Variants in DMXL1 observed in about 807,000 individuals in gnomAD.
DMXL1 encodes dmX-like protein 1.
DMXL1 carries 99 observed loss-of-function variants against 319.2 expected under a neutral mutation model. That is an observed-to-expected ratio of 0.31 (90% CI 0.26 to 0.37). The LOEUF (loss-of-function observed/expected upper bound fraction) is 0.37. Ranked by LOEUF, DMXL1 falls within the 10% of genes least tolerant of loss-of-function variation. The probability of loss-of-function intolerance (pLI) is 1.00; values close to 1 mark genes in which losing one functional copy is unlikely to be tolerated. For missense variants in DMXL1, 3,745 were observed against 3,595.6 expected (o/e 1.04, Z -1.06); for synonymous variants, 1,385 against 1,235.2 (o/e 1.12, Z -2.54).
intron 42 of DMXL1, among the ~76,000 whole-genome samples, chr5:119,243,847 GTTAA>G (rs1440438008): frequency 2.0e-5 from 3 of 152,048 alleles, no homozygotes; most frequent in African/African-American, 7.2e-5. Context: ...TCACATTCCT[GTTAA>G]TTTATTATTA....
intron 28 of DMXL1, among the ~76,000 whole-genome samples, chr5:119,184,030 C>G (rs1380503836): frequency 1.3e-5 from 2 of 151,314 alleles, no homozygotes; most frequent in East Asian, 3.9e-4. Context: ...TTTATCTGAC[C>G]TAGACTCCCT....
chr5:119,166,808 G>A (rs764035308), intron 22 of DMXL1, 27 bp downstream of exon 22: 2 of 1,555,184 alleles, frequency 1.3e-6, no homozygotes, highest in South Asian at 2.4e-5. Flanking sequence ...AAATAACAAA[G>A]TATAGCAATG....
intron 8 of DMXL1, among the ~76,000 whole-genome samples, chr5:119,120,546 A>G (rs894004007): frequency 2.0e-5 from 3 of 152,240 alleles, no homozygotes; most frequent in Non-Finnish European, 4.4e-5. Context: ...AAATTATGAA[A>G]TGTTCCATGT....
chr5:119,129,405 G>A lies in DMXL1; in HGVS notation c.1297G>A (p.Asp433Asn), dbSNP rs766656962. The A allele has an allele frequency of 1.2e-6, 2 of 1,607,562 alleles. No homozygotes were observed. Among genetic ancestry groups the A allele is most frequent in the African/African-American group, 1.3e-5 (1 of 74,520 alleles). The change falls in exon 10 of 44, where the codon GAT (aspartate) becomes AAT (asparagine). Residue 433 changes from aspartate (D) to asparagine (N), a missense_variant. Asp to Asn is a conservative substitution (Grantham distance 23). Around this residue, in one of 4 missense-constraint regions of DMXL1, gnomAD observed 2,096 missense variants for 1,985.4 expected, o/e 1.06. Coordinates refer to ENST00000539542, the MANE Select transcript of DMXL1 (RefSeq NM_001290321.3). ...EASVEDSNQA[D>N]VKSDEETDDG... ...CAGTGTAGAAGATTCTAATCAGGCA[G>A]ATGTAAAATCTGATGAAGGTAAACT...
intron 1 of DMXL1, among the ~76,000 whole-genome samples, chr5:119,095,612 G>C (rs1407719688): frequency 6.6e-6 from 1 of 152,142 alleles, no homozygotes; most frequent in African/African-American, 2.4e-5. Context: ...GTTTAGAAGG[G>C]AGCAAATCTA....
In DMXL1 at chr5:119,147,340, A is replaced by G; in HGVS notation, c.2781A>G (p.Ser927=). ...SSPEKILSPF[S]QKYQACRANL... ...CAGAGAAGATCCTATCTCCTTTTTC[A>G]CAAAAGTATCAGGCTTGCAGAGCAA... Residue 927 remains serine, a synonymous_variant, in exon 17 of 44, where the codon TCA becomes TCG. Coordinates refer to ENST00000539542, the MANE Select transcript of DMXL1 (RefSeq NM_001290321.3). 8 of 1,613,514 alleles carry G rather than the reference A, an allele frequency of 5.0e-6. No homozygotes were observed. The highest frequency in any genetic ancestry group is 6.8e-6 in the Non-Finnish European group (8 of 1,179,662).
At chr5:119,219,787 C>T (rs1349377046) in intron 35 of DMXL1, among the ~76,000 whole-genome samples, 2 of 151,978 alleles carry the variant, frequency 1.3e-5, no homozygotes, top group South Asian at 2.1e-4. Context: ...AGGCTACTAT[C>T]GAACTCCTGA....
chr5:119,160,033 T>G (rs1414765186), intron 19 of DMXL1, among the ~76,000 whole-genome samples: 1 of 152,150 alleles, frequency 6.6e-6, no homozygotes, highest in Non-Finnish European at 1.5e-5. Flanking sequence ...TATACTTTAT[T>G]TATTTCTCCT....
intron 42 of DMXL1, among the ~76,000 whole-genome samples, chr5:119,242,962 A>T (rs566422246): frequency 3.3e-5 from 5 of 152,364 alleles, no homozygotes; most frequent in Admixed American, 3.3e-4. Flanking sequence ...AATGGACCAT[A>T]AACCTGCATG....
At chr5:119,105,295 C>T (rs370365509) in intron 4 of DMXL1, 37 bp downstream of exon 4, 126 of 1,490,784 alleles carry the variant, frequency 8.5e-5, no homozygotes, top group Non-Finnish European at 1.0e-4. Flanking sequence ...AATGAAATAT[C>T]ACTTGCCTAG....
In DMXL1 at chr5:119,206,835, C is replaced by T. The variant is rs1435007610; in HGVS notation, c.7865C>T (p.Ser2622Leu). The T allele has an allele frequency of 2.6e-6, 4 of 1,518,176 alleles. No individual in the cohort carries two copies. The highest frequency in any genetic ancestry group is 1.8e-4 in the Middle Eastern group (1 of 5,702). The allele number at this position is 1,518,176 out of a possible 1,614,324, so 94.0% of individuals were successfully genotyped here. Residue 2622 changes from serine (S) to leucine (L), a missense_variant and splice_region_variant, in exon 34 of 44, where the codon TCA (serine) becomes TTA (leucine). Transcript: ENST00000539542. ...IFTKKRCLNE[S>L]LEDNSETIKN... is the part of the protein sequence containing the mutation. ...TGTGGTTATTCTTTCTTGATGAAGT[C>T]ATTAGAGGACAACAGTGAAACCATC...
At chr5:119,086,353 A>T (rs1210215480) in intron 1 of DMXL1, among the ~76,000 whole-genome samples, 1 of 152,202 alleles carries the variant, frequency 6.6e-6, no homozygotes, top group Non-Finnish European at 1.5e-5. Flanking sequence ...GAGCCAAACC[A>T]TATCACATAT....
At chr5:119,242,353 A>G (rs1788982448) in intron 42 of DMXL1, among the ~76,000 whole-genome samples, 1 of 152,244 alleles carries the variant, frequency 6.6e-6, no homozygotes, top group African/African-American at 2.4e-5. Flanking sequence ...TTGAAATTTA[A>G]AGAATATTAC....
intron 34 of DMXL1, among the ~76,000 whole-genome samples, chr5:119,207,419 A>C (rs903149060): frequency 6.6e-6 from 1 of 152,216 alleles, no homozygotes; most frequent in Non-Finnish European, 1.5e-5. Context: ...ATACATAGTA[A>C]GTACTCATGG....
At chr5:119,211,497 T>G (rs1195474627) in intron 34 of DMXL1, among the ~76,000 whole-genome samples, 3 of 152,190 alleles carry the variant, frequency 2.0e-5, no homozygotes, top group Non-Finnish European at 4.4e-5. Context: ...CTTACTGGCA[T>G]AAAGTTATCA....
At position 119,197,806 on chromosome 5, in the gene DMXL1, G is replaced by T. The variant is rs749158430; in HGVS notation, c.7595G>T (p.Cys2532Phe). The change falls in exon 32 of 44, where the codon TGT becomes TTT. Residue 2532 changes from cysteine (C) to phenylalanine (F), a missense_variant. Cys to Phe is a radical substitution (Grantham distance 205, BLOSUM62 -2). Around this residue, in one of 4 missense-constraint regions of DMXL1, gnomAD observed 1,382 missense variants for 1,269.5 expected, o/e 1.09. Transcript: ENST00000539542. ...CATGCGGTTCTAAAAACTCTTCAAT[G>T]TTGGGAACAAGTTCTTCTCCGACGA... ...LCHAVLKTLQ[C>F]WEQVLLRRLE... The T allele has an allele frequency of 1.9e-6, 3 of 1,614,094 alleles. No individual in the cohort carries two copies. Among genetic ancestry groups the T allele is most frequent in the Non-Finnish European group, 1.7e-6 (2 of 1,179,996 alleles).
chr5:119,213,339 T>TA (rs1168777671), intron 34 of DMXL1, among the ~76,000 whole-genome samples: 2 of 152,168 alleles, frequency 1.3e-5, no homozygotes, highest in Non-Finnish European at 2.9e-5. Flanking sequence ...AGTGAACTGT[T>TA]ACCCTTTTTG....
In DMXL1 at chr5:119,247,633, C is replaced by T. The variant is rs1325898887; in HGVS notation, c.*414C>T. The T allele has an allele frequency of 6.5e-6, 1 of 152,702 alleles. No homozygotes were observed. Among genetic ancestry groups the T allele is most frequent in the African/African-American group, 2.4e-5 (1 of 41,458 alleles). The allele number at this position is 152,702 out of a possible 1,614,324, so 9.5% of individuals were successfully genotyped here. A position where few individuals can be genotyped will look rare whatever the true frequency, so the allele number is the denominator to read the frequency against. The stretch of plus-strand genomic sequence containing the variant: ...TCTCACTTCCTTTATTAGCCTTATA[C>T]ATCTCAAACTCTTCTCTTAATTAAT... On this transcript the variant is annotated 3_prime_UTR_variant, in exon 44 of 44. Transcript: ENST00000539542.
chr5:119,190,664 A>G (rs1778553113), intron 29 of DMXL1, among the ~76,000 whole-genome samples: 1 of 152,246 alleles, frequency 6.6e-6, no homozygotes, highest in African/African-American at 2.4e-5. Flanking sequence ...AAATGAAGTT[A>G]GAGAGAAAAT....
Sources: allele counts gnomAD v4.1 joint callset (sites outside exome capture counted in the v4.1 genomes callset), GRCh38; gene constraint gnomAD v4.1.1; regional missense constraint gnomAD v4.1.1; transcripts MANE v1.5; gene names NCBI Gene and HGNC (gene_info 2026-07-23, HGNC 2026-07-21).